Variants in SLC45A4 observed in about 807,000 individuals in gnomAD.
The protein encoded by SLC45A4 is solute carrier family 45 member 4, also known as polyamine-transporter SLC45A4.
Under a neutral mutation model 63.7 loss-of-function variants are expected in SLC45A4, and 32 were observed. The ratio of observed to expected loss-of-function variants is 0.50; its 90% confidence interval spans 0.38 to 0.67. The LOEUF is 0.67. SLC45A4 is among the 30% of genes least tolerant of loss of function. SLC45A4 has a pLI of 0.00. For synonymous variants in SLC45A4, 535 were observed against 510.0 expected, an observed-to-expected ratio of 1.05 and a Z score of -0.66; for missense variants, 1,027 against 1,157.7, an observed-to-expected ratio of 0.89 and a Z score of 1.64.
intron 2 of SLC45A4, among the ~76,000 whole-genome samples, chr8:141,231,343 G>T (rs922080184): frequency 1.3e-5 from 2 of 152,208 alleles, no homozygotes; most frequent in African/African-American, 4.8e-5. Flanking sequence ...CCCCGTGAAG[G>T]CCACGCTGCA....
rs1416709922 is a variant in SLC45A4 at position 141,254,881 on chromosome 8, G to T, written c.-400-252C>A. On this transcript the variant is annotated intron_variant, in intron 1 of 8. Coordinates refer to ENST00000517878, the MANE Select transcript of SLC45A4 (RefSeq NM_001286646.2). The surrounding 1 kb of genome is among the most constrained non-coding windows in gnomAD (Gnocchi z 4.5). ...GGCAATCAAGGAAAGCAGGATCAAAGAACAGACAGAGAAAAACGCTGGAAA... is the reference window on the plus strand; with the variant it reads ...GGCAATCAAGGAAAGCAGGATCAAATAACAGACAGAGAAAAACGCTGGAAA... 9.0e-5 allele frequency: 36 copies of T among 400,872 alleles called. 2 individuals carry two copies. Among genetic ancestry groups the T allele is most frequent in the South Asian group, 6.8e-4 (34 of 50,298 alleles). 24.8% of individuals were successfully genotyped at this position (400,872 alleles called of 1,614,324 possible). A position where few individuals can be genotyped will look rare whatever the true frequency, so the allele number is the denominator to read the frequency against.
At chr8:141,269,694 T>C (rs1303356113) in intron 1 of SLC45A4, among the ~76,000 whole-genome samples, 1 of 151,362 alleles carries the variant, frequency 6.6e-6, no homozygotes, top group Admixed American at 6.6e-5. Flanking sequence ...TGTATGTGTG[T>C]CTGTGTCTGT....
intron 1 of SLC45A4, among the ~76,000 whole-genome samples, chr8:141,269,337 G>A (rs548242291): frequency 4.7e-4 from 71 of 152,340 alleles, no homozygotes; most frequent in African/African-American, 1.5e-3. Flanking sequence ...CGAAAAGGAC[G>A]CACAGCAGAC....
chr8:141,290,320 A>T (rs1055926818), intron 1 of SLC45A4, among the ~76,000 whole-genome samples: 2 of 151,896 alleles, frequency 1.3e-5, no homozygotes, highest in Non-Finnish European at 2.9e-5. Flanking sequence ...CAAGTGCCGC[A>T]GCTCCAAGCC....
intron 1 of SLC45A4, among the ~76,000 whole-genome samples, chr8:141,305,790 TC>T (rs201906960): frequency 0.043 from 6,481 of 152,202 alleles, 190 homozygotes; most frequent in Middle Eastern, 0.085. Context: ...CACTCCTCTG[TC>T]CTCCCCACCT....
intron 1 of SLC45A4, among the ~76,000 whole-genome samples, chr8:141,289,724 A>G (rs1388266754): frequency 6.6e-6 from 1 of 152,046 alleles, no homozygotes; most frequent in Non-Finnish European, 1.5e-5. Flanking sequence ...GCCTCTGCAG[A>G]GGGGGGCTCA....
chr8:141,290,051 ATAT>A (rs143304076), intron 1 of SLC45A4, among the ~76,000 whole-genome samples: 6,514 of 152,282 alleles, frequency 0.043, 188 homozygotes, highest in Middle Eastern at 0.085. Context: ...AGCAAAAAAC[ATAT>A]TATGTTACAT....
chr8:141,221,841 AC>A, intron 2 of SLC45A4, 76 bp from the exon 3 acceptor site: 4 of 1,515,026 alleles, frequency 2.6e-6, no homozygotes, highest in Non-Finnish European at 3.6e-6. Flanking sequence ...GAGCCCCGCG[AC>A]AGGCAGGTGC....
At chr8:141,268,647 T>C (rs1373488965) in intron 1 of SLC45A4, among the ~76,000 whole-genome samples, 1 of 152,206 alleles carries the variant, frequency 6.6e-6, no homozygotes, top group East Asian at 1.9e-4. Flanking sequence ...TGTCCTTGTA[T>C]TTACATAAAT....
chr8:141,228,070 G>A, intron 2 of SLC45A4: 3 of 1,336,450 alleles, frequency 2.2e-6, no homozygotes, highest in Non-Finnish European at 3.2e-6. Context: ...CCTGAGGGGA[G>A]AGCTGTGTGG....
chr8:141,304,573 A>AGG (rs376314641), intron 1 of SLC45A4, among the ~76,000 whole-genome samples: 31,375 of 128,680 alleles, frequency 0.24, 4,359 homozygotes, highest in South Asian at 0.34. Context: ...AAAAAAAAAA[A>AGG]GGGGGGGAGA....
At chr8:141,225,711 C>T (rs182026371) in intron 2 of SLC45A4, 1 of 152,558 alleles carries the variant, frequency 6.6e-6, no homozygotes, top group Non-Finnish European at 1.5e-5. Context: ...GACAAGAAGG[C>T]ACAGGGCACT....
At chr8:141,281,877 T>C (rs1234794431) in intron 1 of SLC45A4, among the ~76,000 whole-genome samples, 1 of 152,012 alleles carries the variant, frequency 6.6e-6, no homozygotes, top group East Asian at 1.9e-4. Flanking sequence ...TTCGCACTGG[T>C]TATCAGAAAG....
chr8:141,257,382 G>T (rs1828843626), intron 1 of SLC45A4, among the ~76,000 whole-genome samples: 1 of 152,208 alleles, frequency 6.6e-6, no homozygotes, highest in African/African-American at 2.4e-5. Context: ...TTTGTGAGAA[G>T]AAGTAACACC....
At chr8:141,287,214 A>T (rs1830180634) in intron 1 of SLC45A4, among the ~76,000 whole-genome samples, 1 of 152,198 alleles carries the variant, frequency 6.6e-6, no homozygotes, top group South Asian at 2.1e-4. Flanking sequence ...GCAACCTATA[A>T]TAAACAGACT....
At chr8:141,220,323 G>A (rs570450557) in intron 3 of SLC45A4, among the ~76,000 whole-genome samples, 67 of 152,266 alleles carry the variant, frequency 4.4e-4, no homozygotes, top group Non-Finnish European at 8.2e-4. Flanking sequence ...GAAAGGAAAC[G>A]ACACCCCAAA....
At chr8:141,305,078 C>T (rs1449078425) in intron 1 of SLC45A4, among the ~76,000 whole-genome samples, 3 of 152,168 alleles carry the variant, frequency 2.0e-5, no homozygotes, top group African/African-American at 7.2e-5. Flanking sequence ...AAAGAGGTCT[C>T]CCGGTCCTCT....
chr8:141,270,716 G>T (rs978064897), intron 1 of SLC45A4, among the ~76,000 whole-genome samples: 2 of 152,120 alleles, frequency 1.3e-5, no homozygotes, highest in African/African-American at 4.8e-5. Context: ...CCTCCAGGAG[G>T]CCTGGTGCAA....
At position 141,218,508 on chromosome 8, in the gene SLC45A4, A is replaced by C; in HGVS notation, c.1132T>G (p.Leu378Val). The C allele has an allele frequency of 6.2e-7, 1 of 1,613,476 alleles. No individual in the cohort carries two copies. The highest frequency in any genetic ancestry group is 1.1e-5 in the South Asian group (1 of 91,084). ...KEDETLLDNHLNEAKVPNGSG... is the reference protein window; with the variant it reads ...KEDETLLDNHVNEAKVPNGSG... Reference sequence around the variant, plus strand: ...CCGTTTGGGACTTTAGCTTCATTCAAGTGATTATCCAGCAAGGTCTCGTCC... The same window carrying C: ...CCGTTTGGGACTTTAGCTTCATTCACGTGATTATCCAGCAAGGTCTCGTCC... Residue 378 changes from leucine (L) to valine (V), a missense_variant, in exon 5 of 9, where the codon TTG becomes GTG. Transcript: ENST00000517878.
Sources: gnomAD v4.1 joint callset for allele counts (sites outside exome capture counted in the v4.1 genomes callset) on GRCh38, gnomAD v4.1.1 for gene constraint, Gnocchi (gnomAD v3.1) non-coding constraint, MANE v1.5 for transcripts, NCBI Gene and HGNC (gene_info 2026-07-23, HGNC 2026-07-21) for gene names.